GPR39: variants seen among roughly 807,000 people sequenced by gnomAD.
GPR39 encodes zinc sensing receptor.
A neutral mutation model predicts 18.4 loss-of-function variants in GPR39; 23 were observed. That is an observed-to-expected ratio of 1.25 (90% CI 0.90 to 1.77). The LOEUF is 1.77. GPR39 is among the 40% of genes most tolerant of loss of function. The pLI is 0.00. For synonymous variants in GPR39, 280 were observed against 257.9 expected, an observed-to-expected ratio of 1.09 and a Z score of -0.82; for missense variants, 647 against 602.4, an observed-to-expected ratio of 1.07 and a Z score of -0.78.
At chr2:132,609,374 C>G (rs796135044) in intron 1 of GPR39, among the ~76,000 whole-genome samples, 1 of 152,020 alleles carries the variant, frequency 6.6e-6, no homozygotes, top group African/African-American at 2.4e-5. Flanking sequence ...CTCTGGCTCA[C>G]GTAAAACCTG....
intron 1 of GPR39, among the ~76,000 whole-genome samples, chr2:132,542,294 TAGTG>T (rs1160655371): frequency 2.0e-5 from 3 of 152,116 alleles, no homozygotes; most frequent in African/African-American, 4.8e-5. Context: ...CAAAATGAAA[TAGTG>T]AGGTGACAAG....
At chr2:132,524,753 T>A (rs1679480161) in intron 1 of GPR39, among the ~76,000 whole-genome samples, 2 of 152,170 alleles carry the variant, frequency 1.3e-5, no homozygotes, top group African/African-American at 4.8e-5. Flanking sequence ...TTTTAAAAAA[T>A]AAATTTTAAA....
In GPR39 at chr2:132,646,285, AAC is replaced by A. The variant is rs779710237; in HGVS notation, c.*683_*684del. ...AGGACTTGCGGTACATGATCCCTGTAACACAGACCCAAAGGAGCTGAGTTAAC... is the reference window on the plus strand; with the variant it reads ...AGGACTTGCGGTACATGATCCCTGTAACAGACCCAAAGGAGCTGAGTTAAC... On this transcript the variant is annotated 3_prime_UTR_variant, in exon 2 of 2. Transcript: ENST00000329321. 30 of 1,480,224 alleles carry A rather than the reference AAC, an allele frequency of 2.0e-5. No homozygotes were observed. Among genetic ancestry groups the A allele is most frequent in the Middle Eastern group, 1.8e-4 (1 of 5,506 alleles). The allele number at this position is 1,480,224 out of a possible 1,614,324, so 91.7% of individuals were successfully genotyped here.
At chr2:132,512,124 C>G (rs1679252745) in intron 1 of GPR39, among the ~76,000 whole-genome samples, 1 of 152,136 alleles carries the variant, frequency 6.6e-6, no homozygotes, top group South Asian at 2.1e-4. Context: ...CAGTCTAGGG[C>G]TAAGAGTATA....
rs1682092026 is a variant in GPR39, at chr2:132,646,536, AT to A, written c.*931del. ...TGCCAATACCTGTGAATACCTGTTA[AT>A]AAAGAGCTGTTAAATAGACTTATTT... On this transcript the variant is annotated 3_prime_UTR_variant, in exon 2 of 2. Transcript: ENST00000329321. The A allele has an allele frequency of 1.3e-5, 5 of 372,036 alleles. No homozygotes were observed. The highest frequency in any genetic ancestry group is 2.4e-5 in the Non-Finnish European group (5 of 210,138). The allele number at this position is 372,036 out of a possible 1,614,324, so 23.0% of individuals were successfully genotyped here. A position where few individuals can be genotyped will look rare whatever the true frequency, so the allele number is the denominator to read the frequency against.
At chr2:132,640,339 A>G (rs1008520178) in intron 1 of GPR39, among the ~76,000 whole-genome samples, 4 of 152,236 alleles carry the variant, frequency 2.6e-5, no homozygotes, top group Non-Finnish European at 4.4e-5. Flanking sequence ...TTTAAACAAC[A>G]TGACTCTGCC....
At chr2:132,492,418 T>TAC (rs1329597859) in intron 1 of GPR39, among the ~76,000 whole-genome samples, 1 of 139,862 alleles carries the variant, frequency 7.1e-6, no homozygotes, top group Non-Finnish European at 1.5e-5. Context: ...ACCATATATA[T>TAC]ACCATATATA....
At chr2:132,478,433 G>A (rs1681170882) in intron 1 of GPR39, among the ~76,000 whole-genome samples, 1 of 152,150 alleles carries the variant, frequency 6.6e-6, no homozygotes, top group Admixed American at 6.6e-5. Context: ...GATCTCCATA[G>A]GTTGCACACA....
intron 1 of GPR39, among the ~76,000 whole-genome samples, chr2:132,463,965 G>C (rs1680878369): frequency 6.6e-6 from 1 of 152,130 alleles, no homozygotes. Context: ...AGCAGCCTCA[G>C]GGCAGCATTC....
chr2:132,509,751 G>A (rs933743031), intron 1 of GPR39, among the ~76,000 whole-genome samples: 2 of 152,158 alleles, frequency 1.3e-5, no homozygotes, highest in Non-Finnish European at 2.9e-5. Flanking sequence ...TGCATGTGGT[G>A]CAGCAGGGAC....
chr2:132,489,618 G>A (rs1285877164), intron 1 of GPR39, among the ~76,000 whole-genome samples: 6 of 151,924 alleles, frequency 3.9e-5, no homozygotes, highest in Admixed American at 2.0e-4. Flanking sequence ...GCATGGCTGG[G>A]GTGGGGACCA....
Position 132,581,547 on chromosome 2 carries a change from A to G in GPR39, c.857-63554A>G, listed in dbSNP as rs549922006. On this transcript the variant is annotated intron_variant, in intron 1 of 1. Coordinates refer to ENST00000329321, the MANE Select transcript of GPR39 (RefSeq NM_001508.3). ...ATTTCTCTATTGCTCTCCATGTCAA[A>G]GACCAAGAATCTAGAATCCAACATG... Among the ~76,000 whole-genome samples, 6 of 152,132 alleles carry G rather than the reference A, an allele frequency of 3.9e-5. 1 individual carries two copies. The highest frequency in any genetic ancestry group is 7.4e-5 in the Non-Finnish European group (5 of 68,026).
intron 1 of GPR39, among the ~76,000 whole-genome samples, chr2:132,491,773 C>T (rs1441333008): frequency 1.3e-5 from 2 of 151,856 alleles, no homozygotes; most frequent in African/African-American, 2.4e-5. Context: ...TGCCTAGATT[C>T]CAGTCCTAGC....
In GPR39 at chr2:132,606,694, G is replaced by A. The variant is rs1354050904; in HGVS notation, c.857-38407G>A. The stretch of plus-strand genomic sequence containing the variant: ...TCTGTATCCCAAGTTCTTGCCCAGC[G>A]TGCCGAAAAAATTAGATCACACGAG... On this transcript the variant is annotated intron_variant, in intron 1 of 1. Coordinates refer to ENST00000329321, the MANE Select transcript of GPR39 (RefSeq NM_001508.3). Among the ~76,000 whole-genome samples, 4 of 152,300 alleles carry A rather than the reference G, an allele frequency of 2.6e-5. No individual in the cohort carries two copies. In the East Asian group the frequency reaches 7.7e-4, roughly 29 times the overall value.
chr2:132,513,757 G>A (rs1011795748), intron 1 of GPR39, among the ~76,000 whole-genome samples: 1 of 152,158 alleles, frequency 6.6e-6, no homozygotes, highest in Non-Finnish European at 1.5e-5. Context: ...GGCCCCCCGA[G>A]TGGGAGTGCA....
chr2:132,423,423 G>C (rs896239217), intron 1 of GPR39, among the ~76,000 whole-genome samples: 1 of 152,158 alleles, frequency 6.6e-6, no homozygotes, highest in South Asian at 2.1e-4. Context: ...CAATCACACC[G>C]GGGCTTAGGC....
chr2:132,621,379 G>A (rs1681438179), intron 1 of GPR39, among the ~76,000 whole-genome samples: 1 of 152,232 alleles, frequency 6.6e-6, no homozygotes, highest in South Asian at 2.1e-4. Flanking sequence ...CTCTCCCTGA[G>A]CCTGGTGTCT....
At chr2:132,553,379 G>GTA (rs201172843) in intron 1 of GPR39, among the ~76,000 whole-genome samples, 5 of 138,674 alleles carry the variant, frequency 3.6e-5, no homozygotes, top group South Asian at 2.4e-4. Flanking sequence ...ATATATGTGT[G>GTA]TATATATATA....
intron 1 of GPR39, among the ~76,000 whole-genome samples, chr2:132,478,713 C>G (rs916473830): frequency 1.3e-5 from 2 of 152,162 alleles, no homozygotes; most frequent in Non-Finnish European, 2.9e-5. Context: ...GGGAAGCTAC[C>G]ACTTAGTGAG....
Sources: allele counts gnomAD v4.1 joint callset (sites outside exome capture counted in the v4.1 genomes callset), GRCh38; gene constraint gnomAD v4.1.1; transcripts MANE v1.5; gene names NCBI Gene and HGNC (gene_info 2026-07-23, HGNC 2026-07-21).